Variants in FCHO2 observed in about 807,000 individuals in gnomAD.
FCHO2 encodes the protein F-BAR domain only protein 2.
Under a neutral mutation model 114.1 loss-of-function variants are expected in FCHO2, and 43 were observed. That is an observed-to-expected ratio of 0.38 (90% CI 0.30 to 0.49). The LOEUF is 0.49. Ranked by LOEUF, FCHO2 falls within the 20% of genes least tolerant of loss-of-function variation. The pLI is 0.97. For synonymous variants in FCHO2, 293 were observed against 315.2 expected, an observed-to-expected ratio of 0.93 and a Z score of 0.75; for missense variants, 807 against 950.4, an observed-to-expected ratio of 0.85 and a Z score of 1.98.
chr5:73,015,763 ATTTG>A (rs752282144), intron 7 of FCHO2, 39 bp downstream of exon 7: 1 of 1,299,312 alleles, frequency 7.7e-7, no homozygotes, highest in Non-Finnish European at 1.1e-6. Context: ...TTCATGAAAA[ATTTG>A]TTTATTTATA....
chr5:73,061,124 C>G (rs188686838), intron 17 of FCHO2, among the ~76,000 whole-genome samples: 12 of 152,026 alleles, frequency 7.9e-5, no homozygotes, highest in Admixed American at 7.9e-4. Flanking sequence ...TATCACTGGA[C>G]AATGATGAAC....
At chr5:73,036,697 T>A (rs1000092244) in intron 9 of FCHO2, among the ~76,000 whole-genome samples, 1 of 152,118 alleles carries the variant, frequency 6.6e-6, no homozygotes, top group African/African-American at 2.4e-5. Context: ...TTCTAATGGG[T>A]CTGCTGTATC....
chr5:72,968,664 A>G, intron 2 of FCHO2, 75 bp downstream of exon 2: 2 of 1,045,562 alleles, frequency 1.9e-6, no homozygotes, highest in South Asian at 3.3e-5. Flanking sequence ...AATAATGGAG[A>G]AAACTTTATT....
At chr5:72,966,328 G>A (rs1752199201) in intron 1 of FCHO2, among the ~76,000 whole-genome samples, 1 of 152,110 alleles carries the variant, frequency 6.6e-6, no homozygotes, top group East Asian at 1.9e-4. Flanking sequence ...TTATCTTTTT[G>A]TTTTTTTAGA....
At chr5:72,966,791 A>G (rs1053307515) in intron 1 of FCHO2, among the ~76,000 whole-genome samples, 3 of 152,164 alleles carry the variant, frequency 2.0e-5, no homozygotes, top group Non-Finnish European at 2.9e-5. Flanking sequence ...AATATATTCC[A>G]TTTTTCCATT....
At chr5:72,992,224 T>A (rs765676780) in intron 5 of FCHO2, among the ~76,000 whole-genome samples, 1 of 152,020 alleles carries the variant, frequency 6.6e-6, no homozygotes, top group African/African-American at 2.4e-5. Flanking sequence ...ATGAAAAAAA[T>A]GAATTTGGAG....
At position 73,051,162 on chromosome 5, in the gene FCHO2, A is replaced by G. The variant is rs528378642; in HGVS notation, c.940-187A>G. On this transcript the variant is annotated intron_variant, in intron 11 of 25. Transcript: ENST00000430046. ...CTTTCCTCTTTCAGGTAGCCAGAGC[A>G]TGGAGTGTGATTTGAAGCTAATTAA... 1.7e-4 allele frequency: 78 copies of G among 453,888 alleles called. 1 individual carries two copies. In the South Asian group the frequency reaches 2.2e-3, roughly 13 times the overall value. The allele number at this position is 453,888 out of a possible 1,614,324, so 28.1% of individuals were successfully genotyped here.
At chr5:73,028,040 A>G (rs892025953) in intron 8 of FCHO2, among the ~76,000 whole-genome samples, 4 of 152,062 alleles carry the variant, frequency 2.6e-5, no homozygotes, top group African/African-American at 9.7e-5. Context: ...TCTACAAAAA[A>G]ATACAAAAAT....
intron 5 of FCHO2, among the ~76,000 whole-genome samples, chr5:73,004,947 A>G (rs1580086238): frequency 6.6e-6 from 1 of 152,208 alleles, no homozygotes; most frequent in Non-Finnish European, 1.5e-5. Context: ...TGTACCATCC[A>G]TGGCTTCAGA....
chr5:72,967,994 G>A (rs550119910), intron 1 of FCHO2, among the ~76,000 whole-genome samples: 40 of 145,020 alleles, frequency 2.8e-4, no homozygotes, highest in African/African-American at 6.9e-4. Context: ...GCACAATCCC[G>A]GCTCACTGCA....
At chr5:72,985,674 A>T (rs1315368043) in intron 2 of FCHO2, among the ~76,000 whole-genome samples, 1 of 151,894 alleles carries the variant, frequency 6.6e-6, no homozygotes, top group Non-Finnish European at 1.5e-5. Context: ...TTTTTTGAAG[A>T]TCGTTCCATT....
intron 5 of FCHO2, among the ~76,000 whole-genome samples, chr5:72,998,452 A>T (rs558526734): frequency 6.6e-6 from 1 of 151,856 alleles, no homozygotes; most frequent in African/African-American, 2.4e-5. Flanking sequence ...GAGCCACTGC[A>T]CTCCAGTCTG....
At chr5:73,078,796 T>C (rs1742999262) in intron 22 of FCHO2, among the ~76,000 whole-genome samples, 1 of 152,176 alleles carries the variant, frequency 6.6e-6, no homozygotes, top group South Asian at 2.1e-4. Context: ...CTATTTGACA[T>C]AAGGACATTT....
intron 1 of FCHO2, among the ~76,000 whole-genome samples, chr5:72,957,354 C>T (rs1208943848): frequency 6.6e-6 from 1 of 152,096 alleles, no homozygotes; most frequent in African/African-American, 2.4e-5. Context: ...CAGAAAGAAT[C>T]CCTAGACCCA....
chr5:72,971,650 T>A (rs1473822184), intron 2 of FCHO2, among the ~76,000 whole-genome samples: 1 of 152,212 alleles, frequency 6.6e-6, no homozygotes, highest in East Asian at 1.9e-4. Flanking sequence ...ATTTTGTAGG[T>A]TGCCTGTTCA....
chr5:73,087,146 A>T (rs1373424738), intron 24 of FCHO2, among the ~76,000 whole-genome samples: 2 of 152,360 alleles, frequency 1.3e-5, no homozygotes, highest in East Asian at 3.9e-4. Context: ...CTTTAAAAAG[A>T]AAAGTGAATA....
chr5:73,020,649 TC>T, intron 8 of FCHO2: 2 of 958,972 alleles, frequency 2.1e-6, no homozygotes, highest in Non-Finnish European at 3.4e-6. Context: ...ACTTTCAAGT[TC>T]CAGTTATTAA....
At chr5:73,058,327 G>T in intron 16 of FCHO2, 106 bp from the exon 17 acceptor site, 1 of 709,606 alleles carries the variant, frequency 1.4e-6, no homozygotes, top group Non-Finnish European at 2.2e-6. Flanking sequence ...TTTTAATTAT[G>T]TATATTGAGC....
At chr5:73,031,306 G>T (rs867948959) in intron 8 of FCHO2, among the ~76,000 whole-genome samples, 8 of 152,094 alleles carry the variant, frequency 5.3e-5, no homozygotes, top group South Asian at 2.1e-4. Flanking sequence ...TAAACTTTTA[G>T]TGTATGTCTG....
Sources: allele counts gnomAD v4.1 joint callset (sites outside exome capture counted in the v4.1 genomes callset), GRCh38; gene constraint gnomAD v4.1.1; transcripts MANE v1.5; gene names NCBI Gene and HGNC (gene_info 2026-07-23, HGNC 2026-07-21).